The following SYNJ2 variants were observed in gnomAD, a reference collection of about 807,000 sequenced individuals.
SYNJ2 encodes the protein synaptojanin 2, also known as polyphosphatidylinositol phosphatase SYNJ2.
A neutral mutation model predicts 141.3 loss-of-function variants in SYNJ2; 116 were observed. The observed-to-expected ratio is 0.82, with a 90% CI of 0.71 to 0.96. SYNJ2 has a LOEUF of 0.96. SYNJ2 is among the 40% of genes least tolerant of loss of function. The pLI, the probability that SYNJ2 is intolerant of heterozygous loss-of-function variation, is 0.00. For synonymous variants in SYNJ2, 745 were observed against 777.7 expected (o/e 0.96, Z 0.70); for missense variants, 1,873 against 1,934.8 (o/e 0.97, Z 0.60).
intron 7 of SYNJ2, among the ~76,000 whole-genome samples, chr6:158,061,156 A>T (rs1781195406): frequency 6.6e-6 from 1 of 152,220 alleles, no homozygotes; most frequent in Non-Finnish European, 1.5e-5. Flanking sequence ...GTCAGATCAG[A>T]TGACCCCCAA....
intron 3 of SYNJ2, among the ~76,000 whole-genome samples, chr6:158,030,000 G>A (rs796233368): frequency 1.7e-4 from 26 of 152,056 alleles, no homozygotes; most frequent in South Asian, 8.3e-4. Context: ...TCCCATCAAT[G>A]GGGAAGCTGA....
intron 1 of SYNJ2, among the ~76,000 whole-genome samples, chr6:158,003,436 G>A (rs1562316954): frequency 6.6e-6 from 1 of 152,174 alleles, no homozygotes; most frequent in Non-Finnish European, 1.5e-5. Flanking sequence ...GATAACTCTG[G>A]AAGGAGCAGC....
intron 11 of SYNJ2, 117 bp from the exon 12 acceptor site, chr6:158,066,327 T>G: frequency 8.4e-7 from 1 of 1,191,222 alleles, no homozygotes; most frequent in Non-Finnish European, 1.2e-6. Flanking sequence ...CATACCCTGG[T>G]TTATCTCTAG....
At position 158,071,495 on chromosome 6, in the gene SYNJ2, A is replaced by C. The variant is rs1487077932; in HGVS notation, c.1941-107A>C. On this transcript the variant is annotated intron_variant, in intron 14 of 26. Transcript: ENST00000355585. This position sits in a 1 kb window ranked among gnomAD's most constrained non-coding sequence, Gnocchi z 4.3. ...TGTGTTGAGCTGATGATTTTGGAGC[A>C]CTCAGAGCAGCAGGTCCCGAGCTGC... The C allele has an allele frequency of 3.0e-5, 39 of 1,309,370 alleles. No homozygotes were observed. Among genetic ancestry groups the C allele is most frequent in the Non-Finnish European group, 4.0e-5 (38 of 958,026 alleles). The allele number at this position is 1,309,370 out of a possible 1,614,324, so 81.1% of individuals were successfully genotyped here.
intron 9 of SYNJ2, 101 bp downstream of exon 9, chr6:158,063,973 A>G: frequency 8.0e-7 from 1 of 1,245,460 alleles, no homozygotes; most frequent in Non-Finnish European, 1.2e-6. Flanking sequence ...TGAGGGTGGC[A>G]TCACCAAGAC....
intron 25 of SYNJ2, 60 bp downstream of exon 25, chr6:158,090,007 C>T (rs1207515381): frequency 2.9e-5 from 35 of 1,218,722 alleles, no homozygotes; most frequent in Non-Finnish European, 4.2e-5. Flanking sequence ...TATCTCCCTG[C>T]TAAAAGTGGT....
intron 1 of SYNJ2, among the ~76,000 whole-genome samples, chr6:158,008,414 T>G (rs1778149004): frequency 6.6e-6 from 1 of 152,234 alleles, no homozygotes; most frequent in South Asian, 2.1e-4. Context: ...TCAAGTCCCC[T>G]GGAGGGCTCA....
At chr6:158,015,895 G>A (rs1778435400) in intron 1 of SYNJ2, among the ~76,000 whole-genome samples, 1 of 152,088 alleles carries the variant, frequency 6.6e-6, no homozygotes, top group South Asian at 2.1e-4. Context: ...ACTCATTAAA[G>A]TGTACAACTC....
At chr6:158,022,742 C>T (rs1339444291) in intron 2 of SYNJ2, among the ~76,000 whole-genome samples, 2 of 152,220 alleles carry the variant, frequency 1.3e-5, no homozygotes, top group Non-Finnish European at 2.9e-5. Context: ...CTGAGGACTG[C>T]CAAGAACCCC....
At chr6:158,092,585 G>A (rs1457793347) in intron 25 of SYNJ2, among the ~76,000 whole-genome samples, 1 of 152,066 alleles carries the variant, frequency 6.6e-6, no homozygotes, top group Admixed American at 6.5e-5. Context: ...GCAACATAGT[G>A]AGACCTCATC....
rs1421919237 is a variant in SYNJ2, at chr6:158,095,668, C to T, written c.3795C>T (p.Ile1265=). The change falls in exon 27 of 27, where the codon ATC becomes ATT. Residue 1265 remains isoleucine, a synonymous_variant. Transcript: ENST00000355585. ...AGCAACAGACTGTCCATTTTACAAT[C>T]GGGCCCCCGGAGACAAGCGTTGAGG... The part of the protein sequence containing the change: ...QFEQQTVHFT[I]GPPETSVEAP... 9.3e-6 allele frequency: 15 copies of T among 1,612,236 alleles called. No individual in the cohort carries two copies. The African/African-American group carries it at 9.4e-5, about 10-fold the overall frequency.
chr6:158,008,255 G>A (rs976945632), intron 1 of SYNJ2, among the ~76,000 whole-genome samples: 5 of 152,156 alleles, frequency 3.3e-5, no homozygotes, highest in African/African-American at 7.2e-5. Flanking sequence ...TTACAGGCAT[G>A]AGCCACCACG....
In SYNJ2 at chr6:158,066,429, T is replaced by C; in HGVS notation, c.1526-15T>C. On this transcript the variant is annotated splice_polypyrimidine_tract_variant and intron_variant, in intron 11 of 26. Coordinates refer to ENST00000355585, the MANE Select transcript of SYNJ2 (RefSeq NM_003898.4). ...GGAACTGCAAAGAAATGTGCCTTTT[T>C]ATGCCTCCTGACAGTGACTCCCAGG... 1 of 1,613,652 alleles carries C rather than the reference T, an allele frequency of 6.2e-7. No homozygotes were observed.
At chr6:158,067,381 A>G (rs2128369884) in intron 12 of SYNJ2, 1 of 965,894 alleles carries the variant, frequency 1.0e-6, no homozygotes, top group Non-Finnish European at 1.2e-6. Flanking sequence ...AACCAACTCT[A>G]TTAATCTGCT....
At position 158,095,744 on chromosome 6, in the gene SYNJ2, A is replaced by T; in HGVS notation, c.3871A>T (p.Thr1291Ser). 6.2e-7 allele frequency: 1 copy of T among 1,614,108 alleles called. No individual in the cohort carries two copies. Among genetic ancestry groups the T allele is most frequent in the Non-Finnish European group, 8.5e-7 (1 of 1,180,018 alleles). ...PRVPPVPKPRTFQPGKAAERP... is the reference protein window; with the variant it reads ...PRVPPVPKPRSFQPGKAAERP... ...AGTCCCTCCTGTTCCCAAACCAAGAACATTTCAGCCTGGGAAAGCTGCAGA... is the reference window on the plus strand; with the variant it reads ...AGTCCCTCCTGTTCCCAAACCAAGATCATTTCAGCCTGGGAAAGCTGCAGA... The change falls in exon 27 of 27, where the codon ACA becomes TCA. Residue 1291 changes from threonine (T) to serine (S), a missense_variant. Thr to Ser is a moderately conservative substitution (Grantham distance 58). Transcript: ENST00000355585.
chr6:157,983,034 A>G (rs762821930), intron 1 of SYNJ2, among the ~76,000 whole-genome samples: 5 of 152,262 alleles, frequency 3.3e-5, no homozygotes, highest in African/African-American at 4.8e-5. Context: ...CTAGGCGTCC[A>G]GCTGTAACAG....
intron 25 of SYNJ2, among the ~76,000 whole-genome samples, chr6:158,091,994 T>C (rs1036743881): frequency 1.3e-5 from 2 of 152,014 alleles, no homozygotes; most frequent in African/African-American, 4.8e-5. Flanking sequence ...ATGAAAATGT[T>C]CTGGAGTTAG....
At position 158,086,964 on chromosome 6, in the gene SYNJ2, AC is replaced by A; in HGVS notation, c.3323del (p.Pro1108ArgfsTer10). 2.4e-6 allele frequency: 2 copies of A among 818,798 alleles called. No individual in the cohort carries two copies. Among genetic ancestry groups the A allele is most frequent in the Non-Finnish European group, 3.8e-6 (2 of 522,568 alleles). 50.7% of individuals were successfully genotyped at this position (818,798 alleles called of 1,614,324 possible). A position where few individuals can be genotyped will look rare whatever the true frequency, so the allele number is the denominator to read the frequency against. On this transcript the variant is annotated frameshift_variant, in exon 23 of 27. Transcript: ENST00000355585. LOFTEE classifies it high-confidence loss of function. Reference sequence around the variant, plus strand: ...TCCCCAACCGGCCTCGGCCACCTCAACCCCCGCAGAGACCCCCCCCTCCAAG... The same window carrying A: ...TCCCCAACCGGCCTCGGCCACCTCAACCCCGCAGAGACCCCCCCCTCCAAG... Reference protein sequence around the residue: ...SVPNRPRPPQPPQRPPPPTGL... With the variant: ...SVPNRPRPPQXPQRPPPPTGL...
intron 12 of SYNJ2, among the ~76,000 whole-genome samples, chr6:158,068,188 A>G (rs1781682554): frequency 6.7e-6 from 1 of 150,012 alleles, no homozygotes; most frequent in African/African-American, 2.4e-5. Flanking sequence ...TAGAGGTTCC[A>G]GGTTGCCCAT....
Sources: gnomAD v4.1 joint callset for allele counts (sites outside exome capture counted in the v4.1 genomes callset) on GRCh38, gnomAD v4.1.1 for gene constraint, Gnocchi (gnomAD v3.1) non-coding constraint, MANE v1.5 for transcripts, NCBI Gene and HGNC (gene_info 2026-07-23, HGNC 2026-07-21) for gene names.